The following BET1 variants were observed in gnomAD, a reference collection of about 807,000 sequenced individuals.
BET1 encodes Bet1 golgi vesicular membrane trafficking protein.
Under a neutral mutation model 13.9 loss-of-function variants are expected in BET1, and 9 were observed. That is an observed-to-expected ratio of 0.65 (90% CI 0.39 to 1.13). The LOEUF (loss-of-function observed/expected upper bound fraction) is 1.13. BET1 is among the 50% of genes most tolerant of loss of function. The pLI is 0.01. For missense variants in BET1, 127 were observed against 133.6 expected (o/e 0.95, Z 0.24); for synonymous variants, 39 against 47.3 (o/e 0.82, Z 0.72).
chr7:93,983,913 T>C (rs1795475592), intron 4 of BET1, among the ~76,000 whole-genome samples: 1 of 152,200 alleles, frequency 6.6e-6, no homozygotes. Context: ...CTTGTGCATC[T>C]GGATTTTCAT....
chr7:93,963,115 G>T (rs1236069324), exon 7 of BET1: 1 of 152,072 alleles, frequency 6.6e-6, no homozygotes, highest in African/African-American at 2.4e-5. Flanking sequence ...AGGAGTAGTT[G>T]TTGCTAACAC....
At chr7:93,966,604 C>CAT (rs1562798428) in intron 6 of BET1, among the ~76,000 whole-genome samples, 1 of 142,584 alleles carries the variant, frequency 7.0e-6, no homozygotes. Flanking sequence ...AAAAATTCCT[C>CAT]TTTTTTTTTT....
rs1463228210 is a variant in BET1, at chr7:94,004,298, T to G, written c.-82A>C. ...GCTAGGGGCGACCCGGACCGCGTCT[T>G]CAGTACCAGGGCCCAGCGAAACACC... On this transcript the variant is annotated 5_prime_UTR_variant, in exon 1 of 4. It removes the in-frame stop codon of an upstream open reading frame in the 5' UTR. Coordinates refer to ENST00000222547, the MANE Select transcript of BET1 (RefSeq NM_005868.6). 2 of 1,585,440 alleles carry G rather than the reference T, an allele frequency of 1.3e-6. No individual in the cohort carries two copies. Among genetic ancestry groups the G allele is most frequent in the Non-Finnish European group, 1.7e-6 (2 of 1,154,388 alleles).
chr7:93,988,991 A>AT (rs1795577934), downstream of BET1, among the ~76,000 whole-genome samples: 1 of 148,122 alleles, frequency 6.8e-6, no homozygotes, highest in South Asian at 2.1e-4. Flanking sequence ...TAAATATATA[A>AT]AATATATATA....
exon 7 of BET1, chr7:93,965,338 C>T (rs988200729): frequency 8.6e-5 from 13 of 151,852 alleles, no homozygotes; most frequent in African/African-American, 3.1e-4. Context: ...TTTGTGAATG[C>T]TAGTTCCCAA....
intron 3 of BET1, chr7:93,996,028 A>C (rs1324030625): frequency 1.4e-5 from 7 of 505,606 alleles, no homozygotes; most frequent in Non-Finnish European, 2.1e-5. Context: ...TCATTCTAAA[A>C]ACAGGATTAA....
chr7:93,985,097 C>A (rs949330324), intron 4 of BET1, among the ~76,000 whole-genome samples: 1 of 152,136 alleles, frequency 6.6e-6, no homozygotes, highest in Non-Finnish European at 1.5e-5. Context: ...ACCTCTATAT[C>A]TCTGCCCTCC....
intron 4 of BET1, among the ~76,000 whole-genome samples, chr7:93,981,258 G>T (rs555364148): frequency 6.6e-6 from 1 of 152,138 alleles, no homozygotes; most frequent in Non-Finnish European, 1.5e-5. Context: ...GAAGTCTCAT[G>T]CCCTGGGAAA....
chr7:93,983,965 T>A (rs1206451042), intron 4 of BET1, among the ~76,000 whole-genome samples: 1 of 152,152 alleles, frequency 6.6e-6, no homozygotes, highest in African/African-American at 2.4e-5. Flanking sequence ...CAATGACTGA[T>A]GTCTTAGTTT....
chr7:93,971,879 C>T (rs1054191842), intron 6 of BET1, among the ~76,000 whole-genome samples: 4 of 150,492 alleles, frequency 2.7e-5, no homozygotes, highest in Non-Finnish European at 5.9e-5. Flanking sequence ...CAGATAAATG[C>T]TTTATTAAAT....
At chr7:93,968,603 A>C (rs1304593200) in intron 6 of BET1, among the ~76,000 whole-genome samples, 2 of 151,786 alleles carry the variant, frequency 1.3e-5, no homozygotes, top group African/African-American at 4.8e-5. Context: ...ATAGATGAGA[A>C]GACTGAGCCT....
chr7:93,974,986 A>G (rs1795314275), intron 5 of BET1, among the ~76,000 whole-genome samples: 2 of 152,016 alleles, frequency 1.3e-5, no homozygotes, highest in East Asian at 3.9e-4. Context: ...CTTCTGTAGT[A>G]TTCTTGCCAA....
rs537870805 is a variant in BET1, at chr7:93,994,868, G to A, written c.202-483C>T. On this transcript the variant is annotated intron_variant, in intron 3 of 3. Coordinates refer to ENST00000222547, the MANE Select transcript of BET1 (RefSeq NM_005868.6). ...TTTACTTATTTATTTATTTAGAGACGGAGTCTCGCTCGTTGCCCAGGCTGG... is the reference window on the plus strand; with the variant it reads ...TTTACTTATTTATTTATTTAGAGACAGAGTCTCGCTCGTTGCCCAGGCTGG... Among the ~76,000 whole-genome samples, 11 of 120,166 alleles carry A rather than the reference G, an allele frequency of 9.2e-5. No homozygotes were observed. In the South Asian group the frequency reaches 9.5e-4, roughly 10 times the overall value. 78.8% of individuals were successfully genotyped at this position (120,166 alleles called of 152,430 possible).
intron 4 of BET1, among the ~76,000 whole-genome samples, chr7:93,979,137 C>T (rs989879070): frequency 6.6e-6 from 1 of 152,286 alleles, no homozygotes; most frequent in Admixed American, 6.5e-5. Context: ...TCTGAGCCTA[C>T]ATCTGGCTTT....
chr7:94,001,886 T>A (rs1368719320), intron 1 of BET1, among the ~76,000 whole-genome samples: 2 of 152,228 alleles, frequency 1.3e-5, no homozygotes, highest in African/African-American at 2.4e-5. Flanking sequence ...CTTTGTTTAG[T>A]TGCTTTTGCC....
chr7:93,991,985 G>T, downstream of BET1: 2 of 985,368 alleles, frequency 2.0e-6, no homozygotes, highest in Non-Finnish European at 2.4e-6. Flanking sequence ...ACAGGTGCTA[G>T]GGTTCTCTGC....
At chr7:93,968,936 A>G (rs948407811) in intron 6 of BET1, among the ~76,000 whole-genome samples, 3 of 151,836 alleles carry the variant, frequency 2.0e-5, no homozygotes, top group Non-Finnish European at 4.4e-5. Flanking sequence ...TTCAATGTCT[A>G]TGAATTTGAC....
chr7:94,000,034 T>G (rs1000086272), intron 1 of BET1, among the ~76,000 whole-genome samples: 2 of 152,096 alleles, frequency 1.3e-5, no homozygotes, highest in Non-Finnish European at 2.9e-5. Context: ...GGAGTGGGCC[T>G]TAGTGAATAC....
At chr7:93,967,398 A>G (rs1795192373) in intron 6 of BET1, among the ~76,000 whole-genome samples, 1 of 151,820 alleles carries the variant, frequency 6.6e-6, no homozygotes, top group Admixed American at 6.6e-5. Context: ...CTACCTCACT[A>G]TTGAGAAATC....
Sources: gnomAD v4.1 joint callset for allele counts (sites outside exome capture counted in the v4.1 genomes callset) on GRCh38, gnomAD v4.1.1 for gene constraint, MANE v1.5 for transcripts, NCBI Gene and HGNC (gene_info 2026-07-23, HGNC 2026-07-21) for gene names.